The following PCDHGA9 variants were observed in gnomAD, a reference collection of about 807,000 sequenced individuals.
The protein encoded by PCDHGA9 is protocadherin gamma subfamily A, 9.
A neutral mutation model predicts 62.5 loss-of-function variants in PCDHGA9; 37 were observed. The observed-to-expected ratio is 0.59, with a 90% CI of 0.46 to 0.78. The LOEUF (loss-of-function observed/expected upper bound fraction) is 0.78, where lower values mean the gene tolerates loss of function less well. Ranked by LOEUF, PCDHGA9 falls within the 30% of genes least tolerant of loss-of-function variation. The pLI, the probability that PCDHGA9 is intolerant of heterozygous loss-of-function variation, is 0.00. For missense variants in PCDHGA9, 1,138 were observed against 1,166.2 expected, an observed-to-expected ratio of 0.98 and a Z score of 0.35; for synonymous variants, 459 against 484.6, an observed-to-expected ratio of 0.95 and a Z score of 0.69.
rs1340974686 is a variant in PCDHGA9, at chr5:141,477,604, C to T, written c.2425-17203C>T. The T allele has an allele frequency of 6.2e-7, 1 of 1,614,084 alleles. No individual in the cohort carries two copies. Among genetic ancestry groups the T allele is most frequent in the Non-Finnish European group, 8.5e-7 (1 of 1,180,054 alleles). ...AGAATGCTCGGCTTTCTTTCTTTCT[C>T]TTGGAGCAAGGAGCTGAAACCGGGC... On this transcript the variant is annotated intron_variant, in intron 1 of 3. Coordinates refer to ENST00000573521, the MANE Select transcript of PCDHGA9 (RefSeq NM_018921.3). The surrounding 1 kb of genome is among the most constrained non-coding windows in gnomAD (Gnocchi z 4.9).
rs138149681 is a variant in PCDHGA9, at chr5:141,486,735, G to A, written c.2425-8072G>A. Reference sequence around the variant, plus strand: ...CAGACAGGAGCTGTTCATGCTACTCGATCCTTTGACTATGAGCAAACCCAG... The same window carrying A: ...CAGACAGGAGCTGTTCATGCTACTCAATCCTTTGACTATGAGCAAACCCAG... On this transcript the variant is annotated intron_variant, in intron 1 of 3. Transcript: ENST00000573521. The surrounding 1 kb of genome is among the most constrained non-coding windows in gnomAD (Gnocchi z 5.0). 3.1e-4 allele frequency: 502 copies of A among 1,614,174 alleles called. 1 individual carries two copies. Among genetic ancestry groups the A allele is most frequent in the South Asian group, 1.8e-3 (161 of 91,086 alleles).
chr5:141,409,483 G>A, intron 1 of PCDHGA9: 1 of 1,613,944 alleles, frequency 6.2e-7, no homozygotes, highest in Non-Finnish European at 8.5e-7. Context: ...CCACTGACAG[G>A]GGCAAGCCGC....
Position 141,489,331 on chromosome 5 carries a change from C to G in PCDHGA9, c.2425-5476C>G. ...CTGCTGGGGCTGGGTGTCTGGGCAG[C>G]TTCGTTACTCAGTGGTGGAGGAGTC... On this transcript the variant is annotated intron_variant, in intron 1 of 3. Coordinates refer to ENST00000573521, the MANE Select transcript of PCDHGA9 (RefSeq NM_018921.3). The surrounding 1 kb of genome is among the most constrained non-coding windows in gnomAD (Gnocchi z 4.5). 1 of 1,605,478 alleles carries G rather than the reference C, an allele frequency of 6.2e-7. No homozygotes were observed. Among genetic ancestry groups the G allele is most frequent in the Non-Finnish European group, 8.5e-7 (1 of 1,174,878 alleles).
At chr5:141,510,862 C>T (rs764422869) in intron 3 of PCDHGA9, 85 bp from the exon 4 acceptor site, 22 of 1,606,772 alleles carry the variant, frequency 1.4e-5, no homozygotes, top group Non-Finnish European at 1.7e-5. Flanking sequence ...GCTGTATAGG[C>T]ATTCATTAAC....
At chr5:141,503,743 G>C (rs1465272424) in intron 2 of PCDHGA9, among the ~76,000 whole-genome samples, 1 of 152,126 alleles carries the variant, frequency 6.6e-6, no homozygotes, top group Non-Finnish European at 1.5e-5. Context: ...TGATGGTATA[G>C]AGGTCACACA....
intron 1 of PCDHGA9, among the ~76,000 whole-genome samples, chr5:141,464,702 G>T (rs934638404): frequency 1.3e-5 from 2 of 151,942 alleles, no homozygotes; most frequent in African/African-American, 2.4e-5. Context: ...TATGAATGAG[G>T]TTAAATAGTT....
At chr5:141,421,303 G>A (rs1456288695) in intron 1 of PCDHGA9, 1 of 1,613,660 alleles carries the variant, frequency 6.2e-7, no homozygotes, top group Non-Finnish European at 8.5e-7. Flanking sequence ...GACGCTGCGG[G>A]GGTTCCGGGC....
intron 1 of PCDHGA9, chr5:141,478,874 A>G: frequency 1.6e-6 from 2 of 1,276,696 alleles, no homozygotes; most frequent in Non-Finnish European, 2.1e-6. Flanking sequence ...ATCAGAGTTT[A>G]GCTTGGTATC....
intron 1 of PCDHGA9, chr5:141,410,799 C>A: frequency 1.8e-6 from 1 of 560,610 alleles, no homozygotes; most frequent in Non-Finnish European, 2.6e-6. Flanking sequence ...ATAAGTTGCT[C>A]TATCTTTTTG....
In PCDHGA9 at chr5:141,487,000, G is replaced by T. The variant is rs1410493699; in HGVS notation, c.2425-7807G>T. 2 of 1,614,076 alleles carry T rather than the reference G, an allele frequency of 1.2e-6. No homozygotes were observed. Among genetic ancestry groups the T allele is most frequent in the Non-Finnish European group, 1.7e-6 (2 of 1,180,044 alleles). On this transcript the variant is annotated intron_variant, in intron 1 of 3. Coordinates refer to ENST00000573521, the MANE Select transcript of PCDHGA9 (RefSeq NM_018921.3). The surrounding 1 kb of genome is among the most constrained non-coding windows in gnomAD (Gnocchi z 5.0). Reference sequence around the variant, plus strand: ...GTTACAATGCTTGGGTTTCCTATCAGCTCCTGGAGGCCCCAGATCCCAGCC... The same window carrying T: ...GTTACAATGCTTGGGTTTCCTATCATCTCCTGGAGGCCCCAGATCCCAGCC...
chr5:141,451,216 A>G (rs1561943760), intron 1 of PCDHGA9, among the ~76,000 whole-genome samples: 1 of 152,204 alleles, frequency 6.6e-6, no homozygotes, highest in Non-Finnish European at 1.5e-5. Context: ...TTAGTGGCTT[A>G]AAAGAAGCAT....
intron 1 of PCDHGA9, chr5:141,419,413 C>A (rs568417008): frequency 6.2e-7 from 1 of 1,613,444 alleles, no homozygotes; most frequent in South Asian, 1.1e-5. Flanking sequence ...TCGCGCAGCG[C>A]GCCTTCGACC....
intron 1 of PCDHGA9, chr5:141,413,625 C>T (rs372855865): frequency 1.2e-6 from 2 of 1,613,854 alleles, no homozygotes; most frequent in Admixed American, 3.3e-5. Context: ...ATGAAAATGT[C>T]GCTGCGGGAA....
intron 1 of PCDHGA9, among the ~76,000 whole-genome samples, chr5:141,463,948 C>A (rs1397198849): frequency 6.6e-6 from 1 of 151,846 alleles, no homozygotes; most frequent in Non-Finnish European, 1.5e-5. Context: ...TAGAAATCTT[C>A]ATTTTTAAAA....
At chr5:141,478,137 G>C (rs762316494) in intron 1 of PCDHGA9, 1 of 1,613,872 alleles carries the variant, frequency 6.2e-7, no homozygotes, top group South Asian at 1.1e-5. Context: ...CCTGAAGCCC[G>C]AGCCGAGTTC....
At position 141,404,149 on chromosome 5, in the gene PCDHGA9, A is replaced by G. The variant is rs758060942; in HGVS notation, c.1197A>G (p.Glu399=). The G allele has an allele frequency of 3.1e-6, 5 of 1,612,750 alleles. No individual in the cohort carries two copies. In the African/African-American group the frequency reaches 5.3e-5, roughly 17 times the overall value. Residue 399 remains glutamate (E), a synonymous_variant, in exon 1 of 4, where the codon GAA becomes GAG. Transcript: ENST00000573521. ...NLSFTLENSE[E]DYYRLLTAQI... Reference sequence around the variant, plus strand: ...CTTTTACATTAGAAAATTCAGAAGAAGATTATTACAGATTGTTGACGGCCC... The same window carrying G: ...CTTTTACATTAGAAAATTCAGAAGAGGATTATTACAGATTGTTGACGGCCC...
chr5:141,496,923 C>T (rs963522127), intron 2 of PCDHGA9, among the ~76,000 whole-genome samples: 9 of 150,728 alleles, frequency 6.0e-5, no homozygotes, highest in East Asian at 1.9e-4. Context: ...CTGTGGTTCA[C>T]GCCTGTAATC....
At chr5:141,469,807 T>C (rs1294838215) in intron 1 of PCDHGA9, among the ~76,000 whole-genome samples, 1 of 152,070 alleles carries the variant, frequency 6.6e-6, no homozygotes, top group African/African-American at 2.4e-5. Context: ...AAAAACATTG[T>C]AGATAGAATG....
intron 1 of PCDHGA9, chr5:141,422,368 G>A: frequency 1.9e-6 from 3 of 1,565,294 alleles, no homozygotes; most frequent in Non-Finnish European, 2.6e-6. Context: ...TGGAGAAAAT[G>A]GTCAAGTCTC....
Sources: gnomAD v4.1 joint callset for allele counts (sites outside exome capture counted in the v4.1 genomes callset) on GRCh38, gnomAD v4.1.1 for gene constraint, Gnocchi (gnomAD v3.1) non-coding constraint, MANE v1.5 for transcripts, NCBI Gene and HGNC (gene_info 2026-07-23, HGNC 2026-07-21) for gene names.